Variants in FOXP1 observed in about 807,000 individuals in gnomAD.
The protein encoded by FOXP1 is forkhead box P1, also known as forkhead box protein P1.
A neutral mutation model predicts 98.2 loss-of-function variants in FOXP1; 15 were observed. The observed-to-expected ratio is 0.15, with a 90% confidence interval of 0.10 to 0.24. The LOEUF is 0.24. Among genes scored for constraint, FOXP1 ranks in the 10% least tolerant of loss-of-function variants. FOXP1 has a pLI of 1.00. For missense variants in FOXP1, 633 were observed against 848.5 expected (o/e 0.75, Z 3.15); for synonymous variants, 371 against 314.5 (o/e 1.18, Z -1.90).
intron 13 of FOXP1, among the ~76,000 whole-genome samples, chr3:70,992,698 T>A (rs764985877): frequency 2.6e-5 from 4 of 152,150 alleles, no homozygotes; most frequent in Non-Finnish European, 5.9e-5. Flanking sequence ...TATTAAAGAC[T>A]CTCTTGACAT....
At chr3:71,291,405 T>C (rs1297479552) in intron 5 of FOXP1, among the ~76,000 whole-genome samples, 1 of 152,230 alleles carries the variant, frequency 6.6e-6, no homozygotes, top group African/African-American at 2.4e-5. Context: ...TGAAATACTT[T>C]GTAGATTTTA....
At chr3:70,966,903 C>G (rs915034387) in intron 19 of FOXP1, among the ~76,000 whole-genome samples, 5 of 152,158 alleles carry the variant, frequency 3.3e-5, no homozygotes, top group African/African-American at 1.2e-4. Flanking sequence ...AAAAGGGACA[C>G]CAAGTCTGAA....
At chr3:71,116,725 A>G (rs1001994656) in intron 6 of FOXP1, among the ~76,000 whole-genome samples, 1 of 152,200 alleles carries the variant, frequency 6.6e-6, no homozygotes, top group African/African-American at 2.4e-5. Context: ...ATCAACCACT[A>G]AAAGGTGTTT....
intron 7 of FOXP1, among the ~76,000 whole-genome samples, chr3:71,093,464 C>T (rs1188643018): frequency 7.1e-6 from 1 of 140,434 alleles, no homozygotes; most frequent in African/African-American, 2.6e-5. Context: ...ACTGTACTAG[C>T]CACATTTCAA....
chr3:71,313,260 T>C (rs1431564985), intron 4 of FOXP1, among the ~76,000 whole-genome samples: 1 of 150,040 alleles, frequency 6.7e-6, no homozygotes, highest in Admixed American at 6.6e-5. Context: ...GGGGTTTCAC[T>C]GTGTTAGCCA....
At chr3:71,097,986 A>G (rs1575669404) in intron 7 of FOXP1, among the ~76,000 whole-genome samples, 2 of 152,332 alleles carry the variant, frequency 1.3e-5, no homozygotes, top group South Asian at 2.1e-4. Flanking sequence ...AGATTTTCCA[A>G]TTAGACTCCT....
intron 5 of FOXP1, among the ~76,000 whole-genome samples, chr3:71,254,188 CT>C (rs1431501741): frequency 2.6e-5 from 4 of 152,192 alleles, no homozygotes; most frequent in African/African-American, 7.2e-5. Context: ...TTCCTCCCCC[CT>C]AACTTCCTAG....
At chr3:71,242,193 T>G (rs915055336) in intron 5 of FOXP1, among the ~76,000 whole-genome samples, 17 of 152,214 alleles carry the variant, frequency 1.1e-4, no homozygotes, top group Non-Finnish European at 4.4e-5. Context: ...ATGCTATTAC[T>G]AACCCCCCAT....
intron 4 of FOXP1, chr3:71,332,675 T>C (rs1165020622): frequency 2.0e-5 from 3 of 152,234 alleles, no homozygotes; most frequent in Admixed American, 6.6e-5. Context: ...GAGGTGGAGG[T>C]TGCAGTGTGC....
intron 4 of FOXP1, among the ~76,000 whole-genome samples, chr3:71,350,145 C>T (rs1336201711): frequency 1.3e-5 from 2 of 152,178 alleles, no homozygotes; most frequent in African/African-American, 4.8e-5. Context: ...ATTATTCCCA[C>T]CACTTACATT....
At chr3:71,369,760 C>A (rs1012045047) in intron 3 of FOXP1, among the ~76,000 whole-genome samples, 1 of 152,152 alleles carries the variant, frequency 6.6e-6, no homozygotes, top group Non-Finnish European at 1.5e-5. Flanking sequence ...CTTCCAAGAT[C>A]GACCATAGAG....
At chr3:71,272,118 A>G (rs1028417689) in intron 5 of FOXP1, among the ~76,000 whole-genome samples, 1 of 152,218 alleles carries the variant, frequency 6.6e-6, no homozygotes, top group African/African-American at 2.4e-5. Flanking sequence ...TGACTTGAAG[A>G]TAAGGCATAC....
intron 17 of FOXP1, among the ~76,000 whole-genome samples, chr3:70,974,960 A>G (rs2037182826): frequency 6.6e-6 from 1 of 152,152 alleles, no homozygotes; most frequent in African/African-American, 2.4e-5. Context: ...CGAGAAGTCA[A>G]GAGTTTTCAA....
intron 4 of FOXP1, among the ~76,000 whole-genome samples, chr3:71,311,978 ATTAGAAACACAT>A (rs2074718640): frequency 1.3e-5 from 2 of 152,284 alleles, no homozygotes; most frequent in Admixed American, 6.5e-5. Flanking sequence ...TCTAGCTCCC[ATTAGAAACACAT>A]TTAGAAAAGC....
At position 70,994,630 on chromosome 3, in the gene FOXP1, C is replaced by T. The variant is rs1575969200; in HGVS notation, c.1062+6342G>A. Among the ~76,000 whole-genome samples the T allele has an allele frequency of 2.6e-5, 4 of 152,172 alleles. No individual in the cohort carries two copies. The East Asian group carries it at 5.8e-4, about 22-fold the overall frequency. ...TACGGGAAGAGGCCACACCACCTTACTATCTGTATCCAGTGCTCCCTATAT... is the reference window on the plus strand; with the variant it reads ...TACGGGAAGAGGCCACACCACCTTATTATCTGTATCCAGTGCTCCCTATAT... On this transcript the variant is annotated intron_variant, in intron 13 of 20. Coordinates refer to ENST00000649528, the MANE Select transcript of FOXP1 (RefSeq NM_001349338.3).
chr3:70,965,869 T>A, intron 20 of FOXP1, 21 bp downstream of exon 20: 1 of 1,612,812 alleles, frequency 6.2e-7, no homozygotes, highest in Non-Finnish European at 8.5e-7. Flanking sequence ...AGCAAAGACC[T>A]GTTGGGTGGA....
intron 7 of FOXP1, among the ~76,000 whole-genome samples, chr3:71,081,994 C>A (rs750594804): frequency 5.3e-5 from 8 of 152,230 alleles, no homozygotes; most frequent in Non-Finnish European, 1.2e-4. Context: ...ATAGACGGTG[C>A]TGCGCTGGGC....
chr3:71,291,537 T>G (rs1278441377), intron 5 of FOXP1, among the ~76,000 whole-genome samples: 4 of 152,090 alleles, frequency 2.6e-5, no homozygotes, highest in African/African-American at 4.8e-5. Context: ...AGGCATTTAA[T>G]AAAGATGTGT....
chr3:71,506,467 T>C (rs1560579967), intron 2 of FOXP1, among the ~76,000 whole-genome samples: 2 of 152,202 alleles, frequency 1.3e-5, no homozygotes, highest in Non-Finnish European at 2.9e-5. Context: ...CTCACCTCCC[T>C]GTGTTTGCCA....
Sources: gnomAD v4.1 joint callset for allele counts (sites outside exome capture counted in the v4.1 genomes callset) on GRCh38, gnomAD v4.1.1 for gene constraint, MANE v1.5 for transcripts, NCBI Gene and HGNC (gene_info 2026-07-23, HGNC 2026-07-21) for gene names.